The following ENTPD1 variants were observed in gnomAD, a reference collection of about 807,000 sequenced individuals.
ENTPD1 encodes ATP diphosphohydrolase.
ENTPD1 carries 33 observed loss-of-function variants against 57.0 expected under a neutral mutation model. The ratio of observed to expected loss-of-function variants is 0.58; its 90% CI spans 0.44 to 0.77. The LOEUF is 0.77. Among genes scored for constraint, ENTPD1 ranks in the 30% least tolerant of loss-of-function variants. The probability of loss-of-function intolerance (pLI) is 0.00; values close to 1 mark genes in which losing one functional copy is unlikely to be tolerated. For synonymous variants in ENTPD1, 202 were observed against 218.8 expected (o/e 0.92, Z 0.68); for missense variants, 501 against 603.4 (o/e 0.83, Z 1.78).
rs1447219401 is a variant in ENTPD1 at position 95,871,680 on chromosome 10, ATAAAT to A, written c.*5301_*5305del. Reference sequence around the variant, plus strand: ...TGTCTTTTGCATTGCTCTATTTTACATAAATTAAGTTATAAATTGACACTATAATC... The same window carrying A: ...TGTCTTTTGCATTGCTCTATTTTACATAAGTTATAAATTGACACTATAATC... On this transcript the variant is annotated 3_prime_UTR_variant, in exon 10 of 10. Transcript: ENST00000371205. 3.0e-6 allele frequency: 3 copies of A among 985,320 alleles called. No homozygotes were observed. The East Asian group carries it at 3.4e-4, about 112-fold the overall frequency. 61.0% of individuals were successfully genotyped at this position (985,320 alleles called of 1,614,324 possible). A position where few individuals can be genotyped will look rare whatever the true frequency, so the allele number is the denominator to read the frequency against.
At chr10:95,856,822 TTA>T (rs1213461432) in intron 7 of ENTPD1, among the ~76,000 whole-genome samples, 2 of 150,416 alleles carry the variant, frequency 1.3e-5, no homozygotes, top group African/African-American at 2.4e-5. Context: ...CATATTTAGG[TTA>T]TATATATACA....
chr10:95,860,331 G>T (rs1376862582), intron 7 of ENTPD1, 138 bp from the exon 8 acceptor site: 3 of 676,508 alleles, frequency 4.4e-6, no homozygotes, highest in Non-Finnish European at 7.8e-6. Flanking sequence ...ACAGCTCTTG[G>T]GCCTGCAATA....
chr10:95,724,860 A>C (rs1479707842), intron 1 of ENTPD1, among the ~76,000 whole-genome samples: 1 of 152,198 alleles, frequency 6.6e-6, no homozygotes, highest in Non-Finnish European at 1.5e-5. Context: ...GGGGACCCAA[A>C]GGGGGTTGCC....
At chr10:95,842,224 G>T in intron 3 of ENTPD1, 120 bp from the exon 4 acceptor site, 1 of 879,730 alleles carries the variant, frequency 1.1e-6, no homozygotes, top group Non-Finnish European at 1.8e-6. Context: ...CTAATGTATA[G>T]TACATCAGGA....
In ENTPD1 at chr10:95,876,120, A is replaced by G. The variant is rs548213773; in HGVS notation, c.*9737A>G. ...TCTATTATCATACATAACTAAAAATAGAGCCTCAATAAACAGATTCCCAGT... is the reference window on the plus strand; with the variant it reads ...TCTATTATCATACATAACTAAAAATGGAGCCTCAATAAACAGATTCCCAGT... On this transcript the variant is annotated 3_prime_UTR_variant, in exon 10 of 10. Coordinates refer to ENST00000371205, the MANE Select transcript of ENTPD1 (RefSeq NM_001776.6). 1.0e-6 allele frequency: 1 copy of G among 985,346 alleles called. No individual in the cohort carries two copies. Among genetic ancestry groups the G allele is most frequent in the African/African-American group, 1.7e-5 (1 of 57,262 alleles). The allele number at this position is 985,346 out of a possible 1,614,324, so 61.0% of individuals were successfully genotyped here.
At chr10:95,737,665 G>A (rs1040710332) in intron 1 of ENTPD1, among the ~76,000 whole-genome samples, 1 of 152,102 alleles carries the variant, frequency 6.6e-6, no homozygotes, top group Non-Finnish European at 1.5e-5. Context: ...GCCATTACAC[G>A]CTTGAGCTGC....
intron 1 of ENTPD1, among the ~76,000 whole-genome samples, chr10:95,744,173 C>T (rs1305913348): frequency 2.0e-5 from 3 of 151,824 alleles, no homozygotes; most frequent in African/African-American, 7.3e-5. Context: ...CTATAACCTT[C>T]CACTCTAACA....
At position 95,869,153 on chromosome 10, in the gene ENTPD1, T is replaced by G; in HGVS notation, c.*2770T>G. The G allele has an allele frequency of 1.0e-6, 1 of 985,158 alleles. No homozygotes were observed. Among genetic ancestry groups the G allele is most frequent in the Non-Finnish European group, 1.2e-6 (1 of 829,880 alleles). 61.0% of individuals were successfully genotyped at this position (985,158 alleles called of 1,614,324 possible). A position where few individuals can be genotyped will look rare whatever the true frequency, so the allele number is the denominator to read the frequency against. On this transcript the variant is annotated 3_prime_UTR_variant, in exon 10 of 10. Coordinates refer to ENST00000371205, the MANE Select transcript of ENTPD1 (RefSeq NM_001776.6). The stretch of plus-strand genomic sequence containing the variant: ...TGGTTCTGCTAACCCTGTTCCTTTA[T>G]GAGGAACCTTTTAAAGATTCCTTTA...
chr10:95,752,670 A>T (rs2098013988), upstream of ENTPD1, among the ~76,000 whole-genome samples: 1 of 152,172 alleles, frequency 6.6e-6, no homozygotes, highest in South Asian at 2.1e-4. Flanking sequence ...TGTCTCAAAA[A>T]AAAAGTTACC....
Position 95,821,869 on chromosome 10 carries a change from G to A in ENTPD1, c.17-1368G>A, listed in dbSNP as rs1346193152. ...AGTGCCCAGCCAGCTTCTACGTTTG[G>A]GAATAGTTTGGGGAGTTGAGAGAGG... On this transcript the variant is annotated intron_variant, in intron 1 of 9. Coordinates refer to ENST00000371205, the MANE Select transcript of ENTPD1 (RefSeq NM_001776.6). Among the ~76,000 whole-genome samples the A allele has an allele frequency of 3.3e-5, 5 of 152,046 alleles. No individual in the cohort carries two copies. In the East Asian group the frequency reaches 5.8e-4, roughly 18 times the overall value.
rs538696618 is a variant in ENTPD1, at chr10:95,732,785, G to A, written c.37+20792G>A. On this transcript the variant is annotated intron_variant, in intron 1 of 9. Coordinates refer to the ENTPD1 transcript ENST00000453258. Reference sequence around the variant, plus strand: ...CAGGTTCCATGATGCCCCCCAAGCCGCAAAACCAGCAAGTTTTTATTAGTG... The same window carrying A: ...CAGGTTCCATGATGCCCCCCAAGCCACAAAACCAGCAAGTTTTTATTAGTG... Among the ~76,000 whole-genome samples, 63 of 152,236 alleles carry A rather than the reference G, an allele frequency of 4.1e-4. No homozygotes were observed. In the South Asian group the frequency reaches 4.3e-3, roughly 11 times the overall value.
rs2098479006 is a variant in ENTPD1, at chr10:95,870,292, G to T, written c.*3909G>T. 1.0e-6 allele frequency: 1 copy of T among 983,092 alleles called. No individual in the cohort carries two copies. The highest frequency in any genetic ancestry group is 1.2e-6 in the Non-Finnish European group (1 of 827,986). 60.9% of individuals were successfully genotyped at this position (983,092 alleles called of 1,614,324 possible). A position where few individuals can be genotyped will look rare whatever the true frequency, so the allele number is the denominator to read the frequency against. On this transcript the variant is annotated 3_prime_UTR_variant, in exon 10 of 10. Coordinates refer to ENST00000371205, the MANE Select transcript of ENTPD1 (RefSeq NM_001776.6). ...TAAATTTGAATATTAAAATAAAGAT[G>T]ATTTTTTTTTTGGAGCTAGTCTTGC...
At chr10:95,772,591 TCTC>T (rs2098119297) in intron 1 of ENTPD1, among the ~76,000 whole-genome samples, 1 of 152,180 alleles carries the variant, frequency 6.6e-6, no homozygotes, top group African/African-American at 2.4e-5. Context: ...TAATTCTAGT[TCTC>T]CTGCTGTTTC....
intron 1 of ENTPD1, among the ~76,000 whole-genome samples, chr10:95,787,867 T>C (rs528268977): frequency 6.2e-4 from 95 of 152,306 alleles, no homozygotes; most frequent in African/African-American, 2.0e-3. Context: ...ACAGTGCTTG[T>C]CATAAAGAAG....
chr10:95,711,902 A>G, exon 1 of ENTPD1: 1 of 1,612,046 alleles, frequency 6.2e-7, no homozygotes, highest in Non-Finnish European at 8.5e-7. Context: ...TGGCCCCTCC[A>G]GTTTTGGTGC....
At chr10:95,807,380 G>T (rs977183834) in intron 1 of ENTPD1, among the ~76,000 whole-genome samples, 1 of 152,210 alleles carries the variant, frequency 6.6e-6, no homozygotes, top group Non-Finnish European at 1.5e-5. Flanking sequence ...ACAGTATTTG[G>T]GTGGGAGTGT....
Position 95,876,574 on chromosome 10 carries a change from C to T in ENTPD1, c.*10191C>T. ...GAGTACTCATGAAGATGGAAGTCTA[C>T]ATGGAGAATACAGGATGAATCCACT... On this transcript the variant is annotated 3_prime_UTR_variant, in exon 10 of 10. Transcript: ENST00000371205. 1 of 1,230,832 alleles carries T rather than the reference C, an allele frequency of 8.1e-7. No homozygotes were observed. Among genetic ancestry groups the T allele is most frequent in the Non-Finnish European group, 1.0e-6 (1 of 987,454 alleles). The allele number at this position is 1,230,832 out of a possible 1,614,324, so 76.2% of individuals were successfully genotyped here.
At chr10:95,755,896 A>G, upstream of ENTPD1, 1 of 1,521,842 alleles carries the variant, frequency 6.6e-7, no homozygotes, top group South Asian at 1.2e-5. Flanking sequence ...AGAGATGAAG[A>G]GGGAGGGAGT....
intron 1 of ENTPD1, chr10:95,756,718 T>C (rs541124533): frequency 6.1e-6 from 1 of 164,076 alleles, no homozygotes; most frequent in East Asian, 1.7e-4. Context: ...AAGGCTTCTT[T>C]GCTGGGAACA....
Sources: gnomAD v4.1 joint callset for allele counts (sites outside exome capture counted in the v4.1 genomes callset) on GRCh38, gnomAD v4.1.1 for gene constraint, MANE v1.5 for transcripts, NCBI Gene and HGNC (gene_info 2026-07-23, HGNC 2026-07-21) for gene names.